DGKB: variants seen among roughly 807,000 people sequenced by gnomAD.
The protein encoded by DGKB is 90 kDa diacylglycerol kinase.
In DGKB, 67 loss-of-function variants were observed where a neutral mutation model predicts 114.3. The ratio of observed to expected loss-of-function variants is 0.59; its 90% CI spans 0.48 to 0.72. The LOEUF (loss-of-function observed/expected upper bound fraction) is 0.72, where lower values mean the gene tolerates loss of function less well. DGKB is among the 30% of genes least tolerant of loss of function. DGKB has a pLI of 0.00. For synonymous variants in DGKB, 398 were observed against 323.1 expected (o/e 1.23, Z -2.49); for missense variants, 907 against 975.2 (o/e 0.93, Z 0.93).
intron 1 of DGKB, among the ~76,000 whole-genome samples, chr7:14,957,831 G>T (rs1786599315): frequency 6.6e-6 from 1 of 151,926 alleles, no homozygotes; most frequent in African/African-American, 2.4e-5. Context: ...AAAGTAAATG[G>T]ATTCATTTAT....
rs1839960997 is a variant in DGKB at position 14,786,780 on chromosome 7, G to C, written c.71-29049C>G. 2.6e-5 allele frequency among the ~76,000 whole-genome samples: 4 copies of C among 152,362 alleles called. 1 individual carries two copies. ...CCTCAGCCCCCTCCAGATTTTGGGTGCCAATGAGCACGGCAGGGAAGCCAA... is the reference window on the plus strand; with the variant it reads ...CCTCAGCCCCCTCCAGATTTTGGGTCCCAATGAGCACGGCAGGGAAGCCAA... On this transcript the variant is annotated intron_variant, in intron 2 of 25. Transcript: ENST00000402815.
chr7:14,712,404 T>C (rs1053865704), intron 6 of DGKB, among the ~76,000 whole-genome samples: 1 of 152,084 alleles, frequency 6.6e-6, no homozygotes, highest in African/African-American at 2.4e-5. Flanking sequence ...TGGTGGAGAA[T>C]TTGGGAATTG....
upstream of DGKB, among the ~76,000 whole-genome samples, chr7:14,903,825 T>C (rs1334651055): frequency 6.6e-6 from 1 of 152,148 alleles, no homozygotes; most frequent in Non-Finnish European, 1.5e-5. Flanking sequence ...GTGGACTGTG[T>C]ACAAAACCAG....
intron 21 of DGKB, among the ~76,000 whole-genome samples, chr7:14,401,495 C>A (rs912365146): frequency 6.6e-6 from 1 of 151,870 alleles, no homozygotes; most frequent in Non-Finnish European, 1.5e-5. Context: ...ATCCCATTAA[C>A]ACTGTGTTAA....
At chr7:14,217,750 C>G (rs1789239123) in intron 23 of DGKB, among the ~76,000 whole-genome samples, 1 of 152,072 alleles carries the variant, frequency 6.6e-6, no homozygotes, top group Non-Finnish European at 1.5e-5. Context: ...GTCCCTTACG[C>G]TTTCCCTGTG....
intron 21 of DGKB, among the ~76,000 whole-genome samples, chr7:14,465,567 A>C (rs1833710707): frequency 1.3e-5 from 2 of 152,194 alleles, no homozygotes; most frequent in Non-Finnish European, 2.9e-5. Context: ...AATGTTCTTC[A>C]TCCAGTGTTA....
At chr7:14,541,685 G>C (rs909267190) in intron 20 of DGKB, among the ~76,000 whole-genome samples, 1 of 152,148 alleles carries the variant, frequency 6.6e-6, no homozygotes, top group African/African-American at 2.4e-5. Context: ...CTATGCCATT[G>C]TACCTTCTAT....
At chr7:14,856,696 T>C (rs538312142) in intron 1 of DGKB, among the ~76,000 whole-genome samples, 14 of 152,242 alleles carry the variant, frequency 9.2e-5, no homozygotes, top group African/African-American at 3.1e-4. Context: ...TCATCTAGTA[T>C]TCTATTAATG....
intron 23 of DGKB, among the ~76,000 whole-genome samples, chr7:14,318,392 C>G (rs1423155355): frequency 1.3e-5 from 2 of 152,072 alleles, no homozygotes; most frequent in African/African-American, 4.8e-5. Flanking sequence ...ACTCATCTGA[C>G]AAAGGGCTAA....
Position 14,785,364 on chromosome 7 carries a change from C to T in DGKB, c.71-27633G>A, listed in dbSNP as rs989874218. On this transcript the variant is annotated intron_variant, in intron 2 of 25. Transcript: ENST00000402815. ...CAGTGTCATTTTCTAATCTTCTTGC[C>T]TTGTCATTTGATTTACTTTGGCTCT... Among the ~76,000 whole-genome samples, 5 of 152,056 alleles carry T rather than the reference C, an allele frequency of 3.3e-5. 1 individual carries two copies. Among genetic ancestry groups the T allele is most frequent in the Admixed American group, 1.3e-4 (2 of 15,268 alleles).
intron 21 of DGKB, among the ~76,000 whole-genome samples, chr7:14,442,461 A>G (rs1830210427): frequency 6.6e-6 from 1 of 151,616 alleles, no homozygotes; most frequent in Admixed American, 6.6e-5. Flanking sequence ...AATTTTGTTT[A>G]CTCTCTCTAG....
chr7:14,562,546 C>A (rs1184525832), intron 20 of DGKB, among the ~76,000 whole-genome samples: 1 of 152,180 alleles, frequency 6.6e-6, no homozygotes, highest in East Asian at 1.9e-4. Flanking sequence ...TGGAGCTGTC[C>A]AAGGCCATGG....
At chr7:14,825,538 C>T (rs747059747) in intron 2 of DGKB, among the ~76,000 whole-genome samples, 3 of 152,000 alleles carry the variant, frequency 2.0e-5, no homozygotes, top group Non-Finnish European at 4.4e-5. Flanking sequence ...TTTGTGCTCC[C>T]GTGACATCTA....
intron 23 of DGKB, among the ~76,000 whole-genome samples, chr7:14,247,631 G>T (rs562144213): frequency 8.6e-5 from 13 of 152,004 alleles, no homozygotes; most frequent in African/African-American, 2.4e-4. Flanking sequence ...ATATCTTTTG[G>T]CCATTTGTAT....
At position 14,789,369 on chromosome 7, in the gene DGKB, T is replaced by C. The variant is rs577972487; in HGVS notation, c.71-31638A>G. 2.6e-5 allele frequency among the ~76,000 whole-genome samples: 4 copies of C among 152,312 alleles called. No individual in the cohort carries two copies. The South Asian group carries it at 8.3e-4, about 32-fold the overall frequency. On this transcript the variant is annotated intron_variant, in intron 2 of 25. Transcript: ENST00000402815. ...ATTCATCTGTTCTTCATTTCTATAA[T>C]TGTGTCTTTTCAAAAATGCTATGTG...
rs745845802 is a variant in DGKB, at chr7:14,338,725, G to C, written c.1927-15C>G. On this transcript the variant is annotated splice_polypyrimidine_tract_variant and intron_variant, in intron 22 of 25. Coordinates refer to ENST00000402815, the MANE Select transcript of DGKB (RefSeq NM_001350709.2). ...ACTCCATCACACTGATCGGTAAAAA[G>C]AAAGAAACAGAAACGGAATATTTTA... 7.3e-7 allele frequency: 1 copy of C among 1,370,462 alleles called. No individual in the cohort carries two copies. The highest frequency in any genetic ancestry group is 2.7e-5 in the East Asian group (1 of 37,614). The allele number at this position is 1,370,462 out of a possible 1,614,324, so 84.9% of individuals were successfully genotyped here. A position where few individuals can be genotyped will look rare whatever the true frequency, so the allele number is the denominator to read the frequency against.
At chr7:14,393,985 G>C (rs1161385424) in intron 21 of DGKB, among the ~76,000 whole-genome samples, 1 of 143,246 alleles carries the variant, frequency 7.0e-6, no homozygotes, top group Non-Finnish European at 1.5e-5. Flanking sequence ...TTTTTAAAAA[G>C]AAAAAAAAAA....
rs143630414 is a variant in DGKB at position 14,737,354 on chromosome 7, G to C, written c.169-1160C>G. Reference sequence around the variant, plus strand: ...TGAGATGCAAGAGGAAATTTGGCTGGCTGATGCTCTTAGTTTTGTTCACAT... The same window carrying C: ...TGAGATGCAAGAGGAAATTTGGCTGCCTGATGCTCTTAGTTTTGTTCACAT... On this transcript the variant is annotated intron_variant, in intron 4 of 25. Transcript: ENST00000402815. Among the ~76,000 whole-genome samples the C allele has an allele frequency of 2.8e-3, 402 of 145,298 alleles. 1 individual carries two copies. Among genetic ancestry groups the C allele is most frequent in the African/African-American group, 9.6e-3 (375 of 38,960 alleles).
chr7:14,899,240 G>A (rs971041399), intron 1 of DGKB, among the ~76,000 whole-genome samples: 1 of 152,072 alleles, frequency 6.6e-6, no homozygotes, highest in African/African-American at 2.4e-5. Flanking sequence ...GCAAGAATCA[G>A]CGATATGTCC....
Sources: gnomAD v4.1 joint callset for allele counts (sites outside exome capture counted in the v4.1 genomes callset) on GRCh38, gnomAD v4.1.1 for gene constraint, MANE v1.5 for transcripts, NCBI Gene and HGNC (gene_info 2026-07-23, HGNC 2026-07-21) for gene names.